The following RGS6 variants were observed in gnomAD, a reference collection of about 807,000 sequenced individuals.
The protein encoded by RGS6 is regulator of G-protein signaling 6.
In RGS6, 30 loss-of-function variants were observed where a neutral mutation model predicts 78.5. That is an observed-to-expected ratio of 0.38 (90% CI 0.29 to 0.52). The LOEUF (loss-of-function observed/expected upper bound fraction) is 0.52. Among genes scored for constraint, RGS6 ranks in the 20% least tolerant of loss-of-function variants. The probability of loss-of-function intolerance (pLI) is 0.85; values close to 1 mark genes in which losing one functional copy is unlikely to be tolerated. For synonymous variants in RGS6, 206 were observed against 206.0 expected (o/e 1.00, Z 0.00); for missense variants, 495 against 609.7 (o/e 0.81, Z 1.98).
chr14:72,295,472 C>T (rs1237001596), intron 2 of RGS6, among the ~76,000 whole-genome samples: 1 of 151,844 alleles, frequency 6.6e-6, no homozygotes, highest in African/African-American at 2.4e-5. Flanking sequence ...CCCCCAGGAC[C>T]CAGTTTGGAG....
chr14:72,619,168 C>A, the RGS6 span: 4 of 900,710 alleles, frequency 4.4e-6, no homozygotes, highest in Non-Finnish European at 6.6e-6. Flanking sequence ...TGTGTCCCTG[C>A]CCCTCTGGGA....
chr14:71,935,011 A>C (rs2088803011), intron 1 of RGS6, among the ~76,000 whole-genome samples: 1 of 152,188 alleles, frequency 6.6e-6, no homozygotes, highest in South Asian at 2.1e-4. Flanking sequence ...AGCTTGTCTT[A>C]ATTGGTATTG....
intron 2 of RGS6, among the ~76,000 whole-genome samples, chr14:72,284,882 G>A (rs1294016617): frequency 7.9e-5 from 12 of 152,218 alleles, no homozygotes; most frequent in Non-Finnish European, 1.6e-4. Context: ...TTGCATCGGC[G>A]TGACCTGAAT....
At chr14:71,892,873 T>A in the RGS6 span, among the ~76,000 whole-genome samples, 2 of 152,282 alleles carry the variant, frequency 1.3e-5, no homozygotes, top group South Asian at 2.1e-4. Flanking sequence ...ATGTTTTACA[T>A]GTAGTTTTGC....
intron 2 of RGS6, among the ~76,000 whole-genome samples, chr14:72,277,036 G>A (rs555450941): frequency 2.4e-4 from 37 of 152,308 alleles, no homozygotes; most frequent in African/African-American, 8.2e-4. Context: ...TGCCTGGGAT[G>A]TAGGAGGTAT....
chr14:72,053,147 G>A (rs1313384710), intron 2 of RGS6, among the ~76,000 whole-genome samples: 1 of 119,856 alleles, frequency 8.3e-6, no homozygotes, highest in African/African-American at 3.2e-5. Context: ...TTTTGATGGA[G>A]TCTCGCTCTG....
At chr14:72,162,416 A>G (rs570766453) in intron 2 of RGS6, among the ~76,000 whole-genome samples, 2 of 152,170 alleles carry the variant, frequency 1.3e-5, no homozygotes, top group Non-Finnish European at 2.9e-5. Context: ...GAGGAATTTC[A>G]TGAGTTCTGG....
chr14:72,386,646 G>A (rs1367219001), intron 3 of RGS6, among the ~76,000 whole-genome samples: 2 of 152,196 alleles, frequency 1.3e-5, no homozygotes, highest in Non-Finnish European at 2.9e-5. Context: ...GAGCTCAGAT[G>A]CAGGCTGTGT....
At chr14:71,878,221 C>T in the RGS6 span, among the ~76,000 whole-genome samples, 1 of 152,212 alleles carries the variant, frequency 6.6e-6, no homozygotes, top group East Asian at 1.9e-4. Flanking sequence ...CAGACAGGGA[C>T]GTTTAAGTCT....
the RGS6 span, among the ~76,000 whole-genome samples, chr14:71,877,477 A>G: frequency 1.3e-5 from 2 of 152,226 alleles, no homozygotes; most frequent in African/African-American, 4.8e-5. Flanking sequence ...TCGACTACTG[A>G]AGCTTGTGCA....
chr14:72,556,821 G>A (rs946334835), intron 17 of RGS6, among the ~76,000 whole-genome samples: 4 of 152,044 alleles, frequency 2.6e-5, no homozygotes, highest in Non-Finnish European at 1.5e-5. Context: ...ATCAGTGAAC[G>A]TCTCTTTTTT....
At chr14:72,495,303 A>G (rs1219274894) in intron 13 of RGS6, 41 bp downstream of exon 13, 1 of 1,230,378 alleles carries the variant, frequency 8.1e-7, no homozygotes, top group East Asian at 2.3e-5. Context: ...ATGAATGTAG[A>G]CAAAAATCCA....
chr14:72,081,799 C>T (rs2094836185), intron 2 of RGS6, among the ~76,000 whole-genome samples: 1 of 152,060 alleles, frequency 6.6e-6, no homozygotes, highest in Non-Finnish European at 1.5e-5. Flanking sequence ...AGTTTTAAAA[C>T]CAGTGAAGCT....
chr14:72,008,985 TG>T (rs1244920731), intron 2 of RGS6, among the ~76,000 whole-genome samples: 4 of 152,222 alleles, frequency 2.6e-5, no homozygotes, highest in Non-Finnish European at 4.4e-5. Flanking sequence ...TTATTTATGC[TG>T]AGCACTTGCT....
intron 2 of RGS6, among the ~76,000 whole-genome samples, chr14:72,138,531 TCTATATTCCTGTGCCCTAG>T (rs1221909771): frequency 2.8e-5 from 4 of 145,202 alleles, no homozygotes; most frequent in Admixed American, 2.1e-4. Context: ...AGCTGGAAAC[TCTATATTCCTGTGCCCTAG>T]CACAGGAGAC....
At chr14:72,201,786 C>T (rs2041642021) in intron 2 of RGS6, among the ~76,000 whole-genome samples, 3 of 152,136 alleles carry the variant, frequency 2.0e-5, no homozygotes, top group Non-Finnish European at 2.9e-5. Context: ...CACAGAAATG[C>T]CCACTCATTT....
At chr14:71,925,391 G>A in the RGS6 span, among the ~76,000 whole-genome samples, 1 of 152,144 alleles carries the variant, frequency 6.6e-6, no homozygotes, top group Non-Finnish European at 1.5e-5. Flanking sequence ...TTGCTTTACA[G>A]AAGCTTTTAG....
intron 3 of RGS6, among the ~76,000 whole-genome samples, chr14:72,396,659 A>T (rs933415246): frequency 1.3e-5 from 2 of 152,092 alleles, no homozygotes; most frequent in Non-Finnish European, 2.9e-5. Context: ...GTTTTCTTGT[A>T]GGGTTTTTAT....
intron 1 of RGS6, among the ~76,000 whole-genome samples, chr14:71,946,107 T>A (rs1250927621): frequency 6.6e-6 from 1 of 152,114 alleles, no homozygotes; most frequent in Non-Finnish European, 1.5e-5. Flanking sequence ...AGAATAAATA[T>A]ATTGATTACA....
Sources: gnomAD v4.1 joint callset for allele counts (sites outside exome capture counted in the v4.1 genomes callset) on GRCh38, gnomAD v4.1.1 for gene constraint, MANE v1.5 for transcripts, NCBI Gene and HGNC (gene_info 2026-07-23, HGNC 2026-07-21) for gene names.